PCCA: variants seen among roughly 807,000 people sequenced by gnomAD.
PCCA encodes the protein propionyl-CoA carboxylase subunit alpha.
PCCA carries 74 observed loss-of-function variants against 101.3 expected under a neutral mutation model. That is an observed-to-expected ratio of 0.73 (90% CI 0.61 to 0.89). The LOEUF (loss-of-function observed/expected upper bound fraction) is 0.89, where lower values mean the gene tolerates loss of function less well. Among genes scored for constraint, PCCA ranks in the 40% least tolerant of loss-of-function variants. PCCA has a pLI of 0.00. For synonymous variants in PCCA, 294 were observed against 313.6 expected (o/e 0.94, Z 0.66); for missense variants, 891 against 907.0 (o/e 0.98, Z 0.23).
intron 12 of PCCA, among the ~76,000 whole-genome samples, chr13:100,297,269 C>T (rs2065625771): frequency 6.6e-6 from 1 of 152,154 alleles, no homozygotes; most frequent in Non-Finnish European, 1.5e-5. Flanking sequence ...TAGGGAGATA[C>T]TTTGAGACTC....
At chr13:100,141,897 T>TA (rs2051917012) in intron 4 of PCCA, among the ~76,000 whole-genome samples, 1 of 152,194 alleles carries the variant, frequency 6.6e-6, no homozygotes, top group Non-Finnish European at 1.5e-5. Flanking sequence ...GTTAAAGGGA[T>TA]ATGATGGGTG....
At chr13:100,335,199 T>C (rs1033932710) in intron 17 of PCCA, among the ~76,000 whole-genome samples, 1 of 152,192 alleles carries the variant, frequency 6.6e-6, no homozygotes, top group African/African-American at 2.4e-5. Flanking sequence ...TATTTTACCA[T>C]ATATACTCCT....
In PCCA at chr13:100,200,383, C is replaced by T. The variant is rs1356868696; in HGVS notation, c.469-8949C>T. On this transcript the variant is annotated intron_variant, in intron 6 of 23. Coordinates refer to ENST00000376285, the MANE Select transcript of PCCA (RefSeq NM_000282.4). ...CCTCCCAAAGTGCTGGGATTACAGGCGTGAGCCACAGTGCCTGGCCTTCTG... is the reference window on the plus strand; with the variant it reads ...CCTCCCAAAGTGCTGGGATTACAGGTGTGAGCCACAGTGCCTGGCCTTCTG... Among the ~76,000 whole-genome samples the T allele has an allele frequency of 3.3e-5, 5 of 152,138 alleles. 1 individual carries two copies. The highest frequency in any genetic ancestry group is 6.6e-5 in the Admixed American group (1 of 15,252).
At chr13:100,408,980 G>C (rs116646998) in intron 19 of PCCA, among the ~76,000 whole-genome samples, 3 of 152,176 alleles carry the variant, frequency 2.0e-5, no homozygotes, top group African/African-American at 2.4e-5. Flanking sequence ...ATTACTGTCC[G>C]ATGGAGTTGA....
At chr13:100,223,788 C>G (rs1319976166) in intron 7 of PCCA, among the ~76,000 whole-genome samples, 1 of 152,072 alleles carries the variant, frequency 6.6e-6, no homozygotes, top group Non-Finnish European at 1.5e-5. Flanking sequence ...CTCCACATCC[C>G]CACCAGATTA....
intron 19 of PCCA, among the ~76,000 whole-genome samples, chr13:100,386,426 T>C (rs1002033426): frequency 1.3e-5 from 2 of 152,178 alleles, no homozygotes; most frequent in Admixed American, 1.3e-4. Context: ...CAGGTTGGGG[T>C]GCTGGGGTGC....
At chr13:100,116,318 A>G (rs780202869) in intron 4 of PCCA, among the ~76,000 whole-genome samples, 3 of 152,238 alleles carry the variant, frequency 2.0e-5, no homozygotes, top group Non-Finnish European at 4.4e-5. Context: ...ATACTGCAAC[A>G]ATTGATTGCA....
chr13:100,385,831 C>G (rs1002730742), intron 19 of PCCA, among the ~76,000 whole-genome samples: 8 of 152,220 alleles, frequency 5.3e-5, no homozygotes, highest in African/African-American at 1.2e-4. Flanking sequence ...AGGCTGGTCT[C>G]GAACTCCTGG....
At chr13:100,456,041 A>G (rs541344600) in intron 21 of PCCA, among the ~76,000 whole-genome samples, 1 of 152,328 alleles carries the variant, frequency 6.6e-6, no homozygotes, top group South Asian at 2.1e-4. Flanking sequence ...TTGAGTATGC[A>G]GTGAATGAGT....
chr13:100,237,697 T>C (rs1042015189), intron 8 of PCCA, among the ~76,000 whole-genome samples: 3 of 152,170 alleles, frequency 2.0e-5, no homozygotes, highest in Non-Finnish European at 4.4e-5. Context: ...TAGATATTAT[T>C]ATCAACCTCA....
chr13:100,419,290 G>A (rs569464678), intron 19 of PCCA, among the ~76,000 whole-genome samples: 4 of 151,904 alleles, frequency 2.6e-5, no homozygotes, highest in Non-Finnish European at 5.9e-5. Flanking sequence ...TGGCCAACAT[G>A]GTGAAACCCC....
intron 6 of PCCA, among the ~76,000 whole-genome samples, chr13:100,176,138 G>A (rs2056219262): frequency 6.6e-6 from 1 of 152,154 alleles, no homozygotes; most frequent in East Asian, 1.9e-4. Context: ...TGATTGGTAG[G>A]TACCAGCTTG....
rs535503552 is a variant in PCCA, at chr13:100,289,089, T to A, written c.1066-12371T>A. Among the ~76,000 whole-genome samples, 6 of 152,318 alleles carry A rather than the reference T, an allele frequency of 3.9e-5. No individual in the cohort carries two copies. In the East Asian group the frequency reaches 7.7e-4, roughly 20 times the overall value. Reference sequence around the variant, plus strand: ...TTCCCTACATTCCTAATAATGCATATTTTTAAATATTTATATACAGTATAA... The same window carrying A: ...TTCCCTACATTCCTAATAATGCATAATTTTAAATATTTATATACAGTATAA... On this transcript the variant is annotated intron_variant, in intron 12 of 23. Transcript: ENST00000376285.
chr13:100,124,619 G>C (rs1301443359), intron 4 of PCCA, among the ~76,000 whole-genome samples: 1 of 152,120 alleles, frequency 6.6e-6, no homozygotes, highest in Non-Finnish European at 1.5e-5. Context: ...GGACGAATAG[G>C]ACTTGGTGAT....
chr13:100,333,566 T>C (rs1197107190), intron 17 of PCCA, among the ~76,000 whole-genome samples: 3 of 152,258 alleles, frequency 2.0e-5, no homozygotes, highest in Non-Finnish European at 4.4e-5. Context: ...TCTTGTCATC[T>C]CTTTAGATGT....
intron 19 of PCCA, among the ~76,000 whole-genome samples, chr13:100,401,131 G>A (rs996493978): frequency 6.6e-5 from 10 of 151,806 alleles, no homozygotes; most frequent in Admixed American, 2.6e-4. Flanking sequence ...TTGACTTGAC[G>A]TGTTCCCTTT....
intron 19 of PCCA, among the ~76,000 whole-genome samples, chr13:100,398,321 C>T (rs2077151804): frequency 6.6e-6 from 1 of 152,206 alleles, no homozygotes; most frequent in South Asian, 2.1e-4. Context: ...ATGCATACCA[C>T]AGCACATCTC....
chr13:100,424,106 C>G (rs1036990488), intron 19 of PCCA, among the ~76,000 whole-genome samples: 6 of 152,020 alleles, frequency 3.9e-5, no homozygotes, highest in African/African-American at 1.5e-4. Context: ...TTTTTTCCCC[C>G]CATCTTTATT....
chr13:100,317,830 C>A (rs1285918923), intron 16 of PCCA, among the ~76,000 whole-genome samples: 4 of 152,024 alleles, frequency 2.6e-5, no homozygotes, highest in African/African-American at 9.7e-5. Context: ...TCAAGTGACC[C>A]ACCCACCTCG....
Sources: gnomAD v4.1 joint callset for allele counts (sites outside exome capture counted in the v4.1 genomes callset) on GRCh38, gnomAD v4.1.1 for gene constraint, MANE v1.5 for transcripts, NCBI Gene and HGNC (gene_info 2026-07-23, HGNC 2026-07-21) for gene names.